GTF2E1: variants seen among roughly 807,000 people sequenced by gnomAD.
GTF2E1 encodes the protein TFIIE alpha subunit.
GTF2E1 carries 14 observed loss-of-function variants against 34.9 expected under a neutral mutation model. That is an observed-to-expected ratio of 0.40 (90% CI 0.27 to 0.63). The LOEUF (loss-of-function observed/expected upper bound fraction) is 0.63, where lower values mean the gene tolerates loss of function less well. Ranked by LOEUF, GTF2E1 falls within the 20% of genes least tolerant of loss-of-function variation. The pLI is 0.39. For synonymous variants in GTF2E1, 188 were observed against 192.9 expected, an observed-to-expected ratio of 0.97 and a Z score of 0.21; for missense variants, 469 against 557.7, an observed-to-expected ratio of 0.84 and a Z score of 1.60.
chr3:120,756,063 C>T (rs1709206305), intron 2 of GTF2E1, among the ~76,000 whole-genome samples: 1 of 152,154 alleles, frequency 6.6e-6, no homozygotes, highest in Admixed American at 6.5e-5. Flanking sequence ...AACAGTGCTG[C>T]CACAAACATG....
chr3:120,755,706 T>G (rs192661949), intron 2 of GTF2E1, among the ~76,000 whole-genome samples: 1 of 152,182 alleles, frequency 6.6e-6, no homozygotes, highest in Admixed American at 6.5e-5. Context: ...TATCAAATAG[T>G]AGGTCTTATT....
At chr3:120,758,581 C>T (rs1559831314) in intron 2 of GTF2E1, among the ~76,000 whole-genome samples, 1 of 110,838 alleles carries the variant, frequency 9.0e-6, no homozygotes, top group Admixed American at 8.2e-5. Flanking sequence ...CAGCCTCCCA[C>T]CCCCGACAGG....
intron 2 of GTF2E1, among the ~76,000 whole-genome samples, chr3:120,752,437 C>G: frequency 6.6e-6 from 1 of 152,286 alleles, no homozygotes; most frequent in South Asian, 2.1e-4. Context: ...CTTCATCACT[C>G]TTGACCACAG....
intron 2 of GTF2E1, among the ~76,000 whole-genome samples, chr3:120,753,689 C>T (rs1182141850): frequency 6.6e-6 from 1 of 152,128 alleles, no homozygotes; most frequent in Non-Finnish European, 1.5e-5. Flanking sequence ...AGGAAACAGC[C>T]CAGCAAGGAT....
At chr3:120,761,004 C>T (rs1021173261) in intron 2 of GTF2E1, among the ~76,000 whole-genome samples, 2 of 152,144 alleles carry the variant, frequency 1.3e-5, no homozygotes, top group African/African-American at 4.8e-5. Flanking sequence ...GGAATGGTAC[C>T]AGCTCCTCCT....
intron 2 of GTF2E1, among the ~76,000 whole-genome samples, chr3:120,754,881 G>A (rs1709195433): frequency 6.6e-6 from 1 of 152,100 alleles, no homozygotes; most frequent in Admixed American, 6.6e-5. Context: ...AACAAATAAT[G>A]TGTATGTGGG....
At chr3:120,761,613 A>G (rs1485753969) in intron 2 of GTF2E1, among the ~76,000 whole-genome samples, 2 of 152,074 alleles carry the variant, frequency 1.3e-5, no homozygotes, top group South Asian at 2.1e-4. Context: ...AGATTCTGAT[A>G]TGTTGTGTCT....
At chr3:120,777,629 AAT>A (rs1709412725) in intron 4 of GTF2E1, among the ~76,000 whole-genome samples, 1 of 152,188 alleles carries the variant, frequency 6.6e-6, no homozygotes, top group African/African-American at 2.4e-5. Context: ...TAAAGCAGCT[AAT>A]ACCTCTACTG....
At chr3:120,756,342 A>T (rs139923510) in intron 2 of GTF2E1, among the ~76,000 whole-genome samples, 2 of 152,102 alleles carry the variant, frequency 1.3e-5, no homozygotes, top group Non-Finnish European at 2.9e-5. Context: ...ACACAAACAC[A>T]AAAAGAAATC....
intron 2 of GTF2E1, among the ~76,000 whole-genome samples, chr3:120,764,704 CTTT>C (rs1267684583): frequency 6.6e-6 from 1 of 152,124 alleles, no homozygotes; most frequent in Admixed American, 6.6e-5. Context: ...TATCTGTGTC[CTTT>C]TTGTCAGTTA....
At chr3:120,768,784 A>C (rs1327608270) in intron 2 of GTF2E1, among the ~76,000 whole-genome samples, 3 of 152,194 alleles carry the variant, frequency 2.0e-5, no homozygotes, top group Non-Finnish European at 2.9e-5. Context: ...ACAGCTTGGA[A>C]CAGTTGGAGA....
At chr3:120,776,383 A>G (rs752409904) in intron 3 of GTF2E1, 40 bp from the exon 4 acceptor site, 2 of 1,567,784 alleles carry the variant, frequency 1.3e-6, no homozygotes, top group South Asian at 2.3e-5. Flanking sequence ...CAAGACATTA[A>G]TTTTTCTTCT....
intron 2 of GTF2E1, among the ~76,000 whole-genome samples, chr3:120,761,622 C>G (rs1210965166): frequency 6.6e-6 from 1 of 152,118 alleles, no homozygotes; most frequent in East Asian, 1.9e-4. Context: ...TATGTTGTGT[C>G]TTTGTTCTCA....
At position 120,772,149 on chromosome 3, in the gene GTF2E1, C is replaced by T. The variant is rs184607379; in HGVS notation, c.650+1220C>T. Among the ~76,000 whole-genome samples the T allele has an allele frequency of 6.2e-4, 94 of 152,244 alleles. 1 individual carries two copies. Among genetic ancestry groups the T allele is most frequent in the South Asian group, 3.7e-3 (18 of 4,828 alleles). On this transcript the variant is annotated intron_variant, in intron 3 of 4. Transcript: ENST00000283875. ...GTCCAAATGCAGAAAAAGGGACCGT[C>T]CCTTCCTTGTGTCCTATTTTAAAAC...
chr3:120,765,215 C>G (rs557496641), intron 2 of GTF2E1, among the ~76,000 whole-genome samples: 1 of 151,922 alleles, frequency 6.6e-6, no homozygotes, highest in Non-Finnish European at 1.5e-5. Context: ...TAGAAGAATC[C>G]TGAGTTATAA....
intron 4 of GTF2E1, among the ~76,000 whole-genome samples, chr3:120,777,924 A>G (rs1576363842): frequency 6.6e-6 from 1 of 152,162 alleles, no homozygotes; most frequent in Non-Finnish European, 1.5e-5. Flanking sequence ...GGGTTTTGCC[A>G]TGTTGTCCAG....
Position 120,770,906 on chromosome 3 carries a change from A to G in GTF2E1, c.627A>G (p.Thr209=), listed in dbSNP as rs563874222. Reference sequence around the variant, plus strand: ...ATGAAATACTTGAGCCAGAACCCACAGAAATCCCAGCCCTGAAACAGAGGT... The same window carrying G: ...ATGAAATACTTGAGCCAGAACCCACGGAAATCCCAGCCCTGAAACAGAGGT... ...LAYEILEPEP[T]EIPALKQSKD... The change falls in exon 3 of 5, where the codon ACA becomes ACG. Residue 209 remains threonine, a synonymous_variant. Coordinates refer to ENST00000283875, the MANE Select transcript of GTF2E1 (RefSeq NM_005513.3). 62 of 1,613,484 alleles carry G rather than the reference A, an allele frequency of 3.8e-5. No individual in the cohort carries two copies. In the East Asian group the frequency reaches 1.3e-3, roughly 33 times the overall value.
At chr3:120,763,060 A>T (rs1229565799) in intron 2 of GTF2E1, among the ~76,000 whole-genome samples, 1 of 152,168 alleles carries the variant, frequency 6.6e-6, no homozygotes, top group Non-Finnish European at 1.5e-5. Context: ...AATGGAGAAT[A>T]ATATTAATAA....
At position 120,750,589 on chromosome 3, in the gene GTF2E1, G is replaced by A. The variant is rs878938129; in HGVS notation, c.37G>A (p.Ala13Thr). 1 of 1,613,680 alleles carries A rather than the reference G, an allele frequency of 6.2e-7. No individual in the cohort carries two copies. Among genetic ancestry groups the A allele is most frequent in the Non-Finnish European group, 8.5e-7 (1 of 1,179,624 alleles). Residue 13 changes from alanine (A) to threonine (T), a missense_variant, in exon 2 of 5, where the codon GCA (alanine) becomes ACA (threonine). By Grantham distance (58) the Ala-to-Thr change is moderately conservative. Coordinates refer to ENST00000283875, the MANE Select transcript of GTF2E1 (RefSeq NM_005513.3). ...DPDVLTEVPA[A>T]LKRLAKYVIR... ...AGATGTCCTCACTGAAGTTCCAGCA[G>A]CATTGAAGCGGTTAGCCAAGTATGT... is the stretch of plus-strand genomic sequence containing the variant.
Sources: allele counts gnomAD v4.1 joint callset (sites outside exome capture counted in the v4.1 genomes callset), GRCh38; gene constraint gnomAD v4.1.1; transcripts MANE v1.5; gene names NCBI Gene and HGNC (gene_info 2026-07-23, HGNC 2026-07-21).